Variants in TUSC3 observed in about 807,000 individuals in gnomAD.
TUSC3 encodes dolichyl-diphosphooligosaccharide--protein glycosyltransferase subunit TUSC3.
TUSC3 carries 45 observed loss-of-function variants against 44.8 expected under a neutral mutation model. That is an observed-to-expected ratio of 1.00 (90% CI 0.79 to 1.29). The LOEUF (loss-of-function observed/expected upper bound fraction) is 1.29, where lower values mean the gene tolerates loss of function less well. TUSC3 is among the 50% of genes most tolerant of loss of function. The pLI, the probability that TUSC3 is intolerant of heterozygous loss-of-function variation, is 0.00. For missense variants in TUSC3, 519 were observed against 437.9 expected (o/e 1.19, Z -1.65); for synonymous variants, 212 against 152.9 (o/e 1.39, Z -2.85).
At chr8:15,838,801 G>T in the TUSC3 span, among the ~76,000 whole-genome samples, 1 of 152,120 alleles carries the variant, frequency 6.6e-6, no homozygotes, top group African/African-American at 2.4e-5. Context: ...GATGACTCCA[G>T]CTTTGTTCTT....
intron 2 of TUSC3, among the ~76,000 whole-genome samples, chr8:15,511,951 C>G (rs532592609): frequency 5.3e-5 from 8 of 152,112 alleles, no homozygotes; most frequent in African/African-American, 1.9e-4. Flanking sequence ...CTAAATTTAT[C>G]TATAGATTCA....
intron 8 of TUSC3, among the ~76,000 whole-genome samples, chr8:15,747,265 T>G (rs1423014934): frequency 6.6e-6 from 1 of 152,072 alleles, no homozygotes; most frequent in African/African-American, 2.4e-5. Context: ...TCTGTTTGAT[T>G]TTCCTTATTT....
intron 1 of TUSC3, among the ~76,000 whole-genome samples, chr8:15,440,097 G>T (rs899565849): frequency 2.0e-5 from 3 of 152,156 alleles, no homozygotes; most frequent in African/African-American, 7.2e-5. Context: ...TACAAGCTGA[G>T]ATAATTGCCC....
At chr8:15,732,995 A>G (rs1407205122) in intron 7 of TUSC3, among the ~76,000 whole-genome samples, 1 of 152,130 alleles carries the variant, frequency 6.6e-6, no homozygotes, top group Non-Finnish European at 1.5e-5. Flanking sequence ...TACTGTGAGG[A>G]GTACTTGTTT....
intron 1 of TUSC3, among the ~76,000 whole-genome samples, chr8:15,592,391 C>G (rs1033003508): frequency 2.6e-5 from 4 of 152,066 alleles, no homozygotes; most frequent in African/African-American, 9.7e-5. Context: ...AAAATGTGAT[C>G]CCAATGTTGG....
At chr8:15,818,326 C>A in the TUSC3 span, among the ~76,000 whole-genome samples, 2 of 152,098 alleles carry the variant, frequency 1.3e-5, no homozygotes, top group African/African-American at 4.8e-5. Context: ...AATAGAAATC[C>A]TTTTCAAACA....
At chr8:15,744,163 G>C (rs559063814) in intron 8 of TUSC3, among the ~76,000 whole-genome samples, 7 of 152,212 alleles carry the variant, frequency 4.6e-5, no homozygotes, top group African/African-American at 4.8e-5. Context: ...GATATACCAA[G>C]ATTTACAACT....
chr8:15,713,958 T>C lies in TUSC3; in HGVS notation c.799-16708T>C, dbSNP rs139932182. On this transcript the variant is annotated intron_variant, in intron 6 of 10. Coordinates refer to ENST00000503731, the MANE Select transcript of TUSC3 (RefSeq NM_006765.4). ...ACCGTGGCCTCATTTGAAAAGTACT[T>C]AAGCAAATACCACTTGCTTGTTAAT... 2.4e-3 allele frequency among the ~76,000 whole-genome samples: 358 copies of C among 152,308 alleles called. 2 individuals carry two copies. Among genetic ancestry groups the C allele is most frequent in the African/African-American group, 8.2e-3 (343 of 41,576 alleles).
chr8:15,552,305 T>C (rs1195528030), intron 1 of TUSC3, among the ~76,000 whole-genome samples: 1 of 151,770 alleles, frequency 6.6e-6, no homozygotes, highest in East Asian at 1.9e-4. Context: ...CAAATATTTA[T>C]TGGTGAATAC....
intron 6 of TUSC3, among the ~76,000 whole-genome samples, chr8:15,713,070 C>G (rs1265326391): frequency 1.3e-5 from 2 of 152,082 alleles, no homozygotes; most frequent in Non-Finnish European, 2.9e-5. Flanking sequence ...TTTTGCTTTT[C>G]TTTAAAGAAC....
At chr8:15,503,105 C>G (rs1018021041) in intron 2 of TUSC3, among the ~76,000 whole-genome samples, 3 of 152,020 alleles carry the variant, frequency 2.0e-5, no homozygotes, top group African/African-American at 7.3e-5. Flanking sequence ...CCCAGAACCT[C>G]GGAATGTGAG....
At chr8:15,474,680 A>C (rs550734164) in intron 1 of TUSC3, among the ~76,000 whole-genome samples, 1 of 152,224 alleles carries the variant, frequency 6.6e-6, no homozygotes, top group Non-Finnish European at 1.5e-5. Flanking sequence ...TAACAAGTTA[A>C]TACGTATATT....
intron 5 of TUSC3, among the ~76,000 whole-genome samples, chr8:15,665,045 C>T (rs1807597254): frequency 1.3e-5 from 2 of 151,422 alleles, no homozygotes; most frequent in African/African-American, 4.8e-5. Flanking sequence ...CTGACCTATT[C>T]ATTCAGATTC....
chr8:15,820,756 T>C, the TUSC3 span, among the ~76,000 whole-genome samples: 1,063 of 152,348 alleles, frequency 7.0e-3, 19 homozygotes, highest in African/African-American at 0.025. Context: ...ATTTCTTCTT[T>C]GATTATTGAA....
At chr8:15,489,424 C>T (rs1254156664) in intron 2 of TUSC3, among the ~76,000 whole-genome samples, 1 of 152,180 alleles carries the variant, frequency 6.6e-6, no homozygotes, top group Non-Finnish European at 1.5e-5. Context: ...CAGCTGTTTT[C>T]TATTCAGACC....
At chr8:15,543,137 CTCTT>C (rs1801745371) in intron 1 of TUSC3, among the ~76,000 whole-genome samples, 1 of 152,158 alleles carries the variant, frequency 6.6e-6, no homozygotes, top group African/African-American at 2.4e-5. Context: ...AGTATGTGGT[CTCTT>C]TCTGTCTAGC....
chr8:15,779,549 T>C, the TUSC3 span, among the ~76,000 whole-genome samples: 1 of 152,134 alleles, frequency 6.6e-6, no homozygotes, highest in African/African-American at 2.4e-5. Flanking sequence ...TAATTTAAAA[T>C]TTCAGTAAGT....
At position 15,757,860 on chromosome 8, in the gene TUSC3, G is replaced by A. The variant is rs753256323; in HGVS notation, c.*46+5G>A. On this transcript the variant is annotated splice_donor_5th_base_variant and intron_variant, in intron 10 of 10. Transcript: ENST00000503731. ...TTAAAAACTCTATAACCTCAGGCAA[G>A]TCTTTTAATCTTCTCTGAGCCTCAG... 3 of 1,379,382 alleles carry A rather than the reference G, an allele frequency of 2.2e-6. No individual in the cohort carries two copies. The highest frequency in any genetic ancestry group is 2.9e-5 in the African/African-American group (2 of 70,118). The allele number at this position is 1,379,382 out of a possible 1,614,324, so 85.4% of individuals were successfully genotyped here.
intron 1 of TUSC3, among the ~76,000 whole-genome samples, chr8:15,457,264 T>C (rs775618241): frequency 6.6e-6 from 1 of 151,928 alleles, no homozygotes; most frequent in Non-Finnish European, 1.5e-5. Context: ...CGTGTATACA[T>C]ATGTAACAAA....
Sources: allele counts gnomAD v4.1 joint callset (sites outside exome capture counted in the v4.1 genomes callset), GRCh38; gene constraint gnomAD v4.1.1; transcripts MANE v1.5; gene names NCBI Gene and HGNC (gene_info 2026-07-23, HGNC 2026-07-21).